GP6: variants seen among roughly 807,000 people sequenced by gnomAD.
GP6 encodes the protein platelet glycoprotein VI.
In GP6, 45 loss-of-function variants were observed where a neutral mutation model predicts 37.3. The ratio of observed to expected loss-of-function variants is 1.21; its 90% CI spans 0.95 to 1.55. The LOEUF (loss-of-function observed/expected upper bound fraction) is 1.55, where lower values mean the gene tolerates loss of function less well. GP6 is among the 40% of genes most tolerant of loss of function. The pLI, the probability that GP6 is intolerant of heterozygous loss-of-function variation, is 0.00. For synonymous variants in GP6, 340 were observed against 316.4 expected (o/e 1.07, Z -0.79); for missense variants, 813 against 760.2 (o/e 1.07, Z -0.82).
chr19:55,033,771 A>G (rs12609715), intron 1 of GP6, among the ~76,000 whole-genome samples: 33,625 of 152,092 alleles, frequency 0.22, 3,846 homozygotes, highest in East Asian at 0.25. Context: ...AAAACCCCAC[A>G]CTAATGGGAT....
At chr19:55,036,056 G>A (rs2074817599) in intron 1 of GP6, among the ~76,000 whole-genome samples, 1 of 148,728 alleles carries the variant, frequency 6.7e-6, no homozygotes, top group Non-Finnish European at 1.5e-5. Flanking sequence ...CTTGGTGAGA[G>A]AGCGAGATTC....
At chr19:55,036,821 G>A (rs2074847138) in intron 1 of GP6, among the ~76,000 whole-genome samples, 1 of 152,198 alleles carries the variant, frequency 6.6e-6, no homozygotes, top group South Asian at 2.1e-4. Flanking sequence ...GACCAGCCTG[G>A]CCAACATGGT....
chr19:55,016,598 A>T (rs1450879379), intron 6 of GP6, among the ~76,000 whole-genome samples: 1 of 150,330 alleles, frequency 6.7e-6, no homozygotes, highest in African/African-American at 2.4e-5. Context: ...TTGGTTTTGA[A>T]CTCCTGACCT....
At chr19:55,019,207 G>A (rs1031597129) in intron 5 of GP6, among the ~76,000 whole-genome samples, 45 of 144,242 alleles carry the variant, frequency 3.1e-4, no homozygotes, top group African/African-American at 1.1e-3. Flanking sequence ...CTGGGTTCAA[G>A]CGATTCTCCT....
At position 55,014,674 on chromosome 19, in the gene GP6, G is replaced by A; in HGVS notation, c.1271C>T (p.Pro424Leu). ...CCATGTCATCCACAGTGTGCAGGGAGGAGGATGGGGTCTCCACAGATTCCT... is the reference window on the plus strand; with the variant it reads ...CCATGTCATCCACAGTGTGCAGGGAAGAGGATGGGGTCTCCACAGATTCCT... The change falls in exon 8 of 8, where the codon CCT (proline) becomes CTT (leucine). Residue 424 changes from proline to leucine, a missense_variant. Coordinates refer to ENST00000310373, the MANE Select transcript of GP6 (RefSeq NM_001083899.2). The A allele has an allele frequency of 1.9e-6, 3 of 1,613,884 alleles. No individual in the cohort carries two copies. The highest frequency in any genetic ancestry group is 1.1e-5 in the South Asian group (1 of 91,056).
At chr19:55,019,188 C>T (rs1319704655) in intron 5 of GP6, among the ~76,000 whole-genome samples, 1 of 151,268 alleles carries the variant, frequency 6.6e-6, no homozygotes, top group African/African-American at 2.4e-5. Flanking sequence ...TCACTGCAAC[C>T]TCCACCTCCT....
rs141737256 is a variant in GP6, at chr19:55,014,486, G to A, written c.1459C>T (p.Pro487Ser). The A allele has an allele frequency of 5.5e-4, 882 of 1,614,092 alleles. 2 individuals are homozygous for A. In the African/African-American group the frequency reaches 0.011, roughly 20 times the overall value. ...ATGGAGTGAGGGTGAGAGTTTCTGG[G>A]GAAAACCAGACAAGAGCACAGAGGG... The change falls in exon 8 of 8, where the codon CCC (proline) becomes TCC (serine). Residue 487 changes from proline to serine, a missense_variant. Transcript: ENST00000310373.
intron 1 of GP6, among the ~76,000 whole-genome samples, chr19:55,033,970 C>T (rs1301153904): frequency 6.6e-6 from 1 of 151,876 alleles, no homozygotes; most frequent in East Asian, 1.9e-4. Context: ...GGAAAGTTCC[C>T]AACACAGAAA....
At chr19:55,029,389 T>A (rs2074473909) in intron 3 of GP6, among the ~76,000 whole-genome samples, 1 of 69,174 alleles carries the variant, frequency 1.4e-5, no homozygotes. Context: ...TTTTTTTTTT[T>A]TTTTTTTTTT....
chr19:55,014,696 T>A lies in GP6; in HGVS notation c.1249A>T (p.Asn417Tyr), dbSNP rs566107894. Residue 417 changes from asparagine to tyrosine, a missense_variant, in exon 8 of 8, where the codon AAT becomes TAT. By Grantham distance (143) the Asn-to-Tyr change is moderately radical. Transcript: ENST00000310373. The stretch of plus-strand genomic sequence containing the variant: ...GGAGGAGGATGGGGTCTCCACAGAT[T>A]CCTTCCATCCCAAATGGAGGGTGCC... The A allele has an allele frequency of 6.2e-7, 1 of 1,613,908 alleles. No homozygotes were observed.
At position 55,014,857 on chromosome 19, in the gene GP6, T is replaced by C. The variant is rs747382737; in HGVS notation, c.1088A>G (p.Asp363Gly). The C allele has an allele frequency of 9.3e-6, 15 of 1,614,020 alleles. No homozygotes were observed. The South Asian group carries it at 1.5e-4, about 17-fold the overall frequency. Residue 363 changes from aspartate (D) to glycine (G), a missense_variant, in exon 8 of 8, where the codon GAC (aspartate) becomes GGC (glycine). Physicochemically the swap from Asp to Gly is moderately conservative, Grantham distance 94. Coordinates refer to ENST00000310373, the MANE Select transcript of GP6 (RefSeq NM_001083899.2). ...TGCTTCCACGCTCCACACACGCCAG[T>C]CTTTGAGTCGCCTCCCATGCCATGA...
chr19:55,015,217 C>T (rs2073827760), intron 7 of GP6, 52 bp from the exon 8 acceptor site: 1 of 1,549,934 alleles, frequency 6.5e-7, no homozygotes, highest in Non-Finnish European at 8.7e-7. Context: ...CCTCCAGGAC[C>T]CCCTCCAAGC....
intron 1 of GP6, among the ~76,000 whole-genome samples, chr19:55,035,829 C>T (rs1428910129): frequency 1.3e-5 from 2 of 152,116 alleles, no homozygotes; most frequent in Admixed American, 6.5e-5. Flanking sequence ...AATGCCAGCA[C>T]TCTGGGAGGC....
At chr19:55,020,278 A>G (rs2074031517) in intron 5 of GP6, among the ~76,000 whole-genome samples, 5 of 151,806 alleles carry the variant, frequency 3.3e-5, no homozygotes, top group Admixed American at 3.3e-4. Context: ...TTACATAGGT[A>G]AACGTGTGCC....
At chr19:55,018,817 GAC>G (rs2146727338) in intron 5 of GP6, 106 bp from the exon 6 acceptor site, 1 of 797,400 alleles carries the variant, frequency 1.3e-6, no homozygotes, top group Non-Finnish European at 2.3e-6. Context: ...CCCTTTCTCT[GAC>G]ACACTGCACA....
chr19:55,024,098 AT>A (rs1210269287), intron 5 of GP6, among the ~76,000 whole-genome samples: 1 of 152,216 alleles, frequency 6.6e-6, no homozygotes, highest in Non-Finnish European at 1.5e-5. Context: ...CCAATGTCAA[AT>A]TCCTGGTTTT....
chr19:55,025,677 G>T lies in GP6; in HGVS notation c.611-406C>A, dbSNP rs571553739. Among the ~76,000 whole-genome samples the T allele has an allele frequency of 1.4e-3, 209 of 151,876 alleles. 1 individual carries two copies. The highest frequency in any genetic ancestry group is 4.9e-3 in the African/African-American group (201 of 41,338). ...TCTGAGATCGCACCACTGCACTCCAGCCTGGGTGACGCAGTAAGACTCCAT... is the reference window on the plus strand; with the variant it reads ...TCTGAGATCGCACCACTGCACTCCATCCTGGGTGACGCAGTAAGACTCCAT... On this transcript the variant is annotated intron_variant, in intron 4 of 7. Coordinates refer to ENST00000310373, the MANE Select transcript of GP6 (RefSeq NM_001083899.2).
At chr19:55,016,087 A>G (rs966059500) in intron 6 of GP6, among the ~76,000 whole-genome samples, 23 of 151,768 alleles carry the variant, frequency 1.5e-4, no homozygotes, top group Non-Finnish European at 2.9e-4. Context: ...GGCTGCAGTG[A>G]GCCAGGATTG....
intron 5 of GP6, among the ~76,000 whole-genome samples, chr19:55,021,076 G>T (rs1171847929): frequency 2.9e-5 from 4 of 137,426 alleles, no homozygotes; most frequent in Admixed American, 2.3e-4. Flanking sequence ...AAAAAAAGGT[G>T]GCCCTGGTGC....
Sources: allele counts gnomAD v4.1 joint callset (sites outside exome capture counted in the v4.1 genomes callset), GRCh38; gene constraint gnomAD v4.1.1; transcripts MANE v1.5; gene names NCBI Gene and HGNC (gene_info 2026-07-23, HGNC 2026-07-21).